The following KLHL20 variants were observed in gnomAD, a reference collection of about 807,000 sequenced individuals.
KLHL20 encodes the protein kelch like family member 20, also known as kelch-like protein 20.
Under a neutral mutation model 69.5 loss-of-function variants are expected in KLHL20, and 29 were observed. The ratio of observed to expected loss-of-function variants is 0.42; its 90% confidence interval spans 0.31 to 0.57. KLHL20 has a LOEUF of 0.57. Ranked by LOEUF, KLHL20 falls within the 20% of genes least tolerant of loss-of-function variation. KLHL20 has a pLI of 0.18. For synonymous variants in KLHL20, 253 were observed against 265.2 expected, an observed-to-expected ratio of 0.95 and a Z score of 0.45; for missense variants, 419 against 776.0, an observed-to-expected ratio of 0.54 and a Z score of 5.47.
intron 2 of KLHL20, among the ~76,000 whole-genome samples, chr1:173,731,222 T>A (rs987963387): frequency 1.3e-5 from 2 of 152,166 alleles, no homozygotes; most frequent in African/African-American, 4.8e-5. Flanking sequence ...AAACAACAGG[T>A]GCTGGAGAGG....
intron 1 of KLHL20, 71 bp from the exon 2 acceptor site, chr1:173,715,932 A>C (rs900134655): frequency 1.8e-6 from 2 of 1,097,018 alleles, no homozygotes; most frequent in East Asian, 4.7e-5. Flanking sequence ...GAGTGAAATG[A>C]TTATATAAAG....
chr1:173,753,683 A>T (rs532531902), intron 5 of KLHL20, among the ~76,000 whole-genome samples: 1 of 152,002 alleles, frequency 6.6e-6, no homozygotes, highest in Admixed American at 6.6e-5. Context: ...CTTCCATCAC[A>T]TATGTCTGGT....
chr1:173,723,891 C>T (rs563823193), intron 2 of KLHL20, among the ~76,000 whole-genome samples: 1 of 152,306 alleles, frequency 6.6e-6, no homozygotes, highest in South Asian at 2.1e-4. Context: ...TACTTTACAA[C>T]AACAACCTTT....
intron 9 of KLHL20, among the ~76,000 whole-genome samples, chr1:173,775,229 C>T (rs1241331479): frequency 6.6e-6 from 1 of 152,186 alleles, no homozygotes; most frequent in African/African-American, 2.4e-5. Context: ...TTAAAATGCA[C>T]TGTGCTATAG....
intron 4 of KLHL20, among the ~76,000 whole-genome samples, chr1:173,752,664 A>G (rs750649739): frequency 2.6e-5 from 4 of 152,208 alleles, no homozygotes; most frequent in Non-Finnish European, 5.9e-5. Context: ...GTCTTTAGCA[A>G]TTCAACAAGA....
chr1:173,753,128 A>G (rs187032473), intron 4 of KLHL20, 85 bp from the exon 5 acceptor site: 2 of 1,081,316 alleles, frequency 1.8e-6, no homozygotes, highest in East Asian at 2.6e-5. Context: ...ACCTACGATC[A>G]TGCCACTGTA....
intron 8 of KLHL20, among the ~76,000 whole-genome samples, chr1:173,767,889 G>A (rs1647833421): frequency 6.6e-6 from 1 of 151,976 alleles, no homozygotes. Context: ...CTTTTTGTTT[G>A]ATGTAATCTT....
At chr1:173,747,743 T>G (rs1673130061) in intron 3 of KLHL20, among the ~76,000 whole-genome samples, 1 of 152,044 alleles carries the variant, frequency 6.6e-6, no homozygotes, top group Admixed American at 6.6e-5. Flanking sequence ...TGTGGAATCT[T>G]CTTTGCTTTT....
At chr1:173,728,940 C>G (rs946938497) in intron 2 of KLHL20, among the ~76,000 whole-genome samples, 6 of 152,126 alleles carry the variant, frequency 3.9e-5, no homozygotes, top group African/African-American at 1.4e-4. Context: ...AATCCAGGAG[C>G]TGGTTTTTTG....
At chr1:173,718,643 G>A (rs1008461179) in intron 2 of KLHL20, among the ~76,000 whole-genome samples, 1 of 151,960 alleles carries the variant, frequency 6.6e-6, no homozygotes, top group Non-Finnish European at 1.5e-5. Flanking sequence ...CAGGAGGATT[G>A]CTTGAGCCCA....
At chr1:173,719,029 T>C (rs1036198670) in intron 2 of KLHL20, among the ~76,000 whole-genome samples, 11 of 142,820 alleles carry the variant, frequency 7.7e-5, no homozygotes, top group African/African-American at 3.0e-4. Flanking sequence ...GGCGTGAACC[T>C]GGGAGGCGGA....
Position 173,775,803 on chromosome 1 carries a change from G to A in KLHL20, c.1599G>A (p.Gln533=), listed in dbSNP as rs758080447. ...AGAGATACAACCCCAGAACCAACCA[G>A]TGGTCTCCAGTGGTGGCCATGACAT... ...SAERYNPRTN[Q]WSPVVAMTSR... Residue 533 remains glutamine (Q), a synonymous_variant, in exon 10 of 12, where the codon CAG becomes CAA. Coordinates refer to ENST00000209884, the MANE Select transcript of KLHL20 (RefSeq NM_014458.4). 3 of 1,614,066 alleles carry A rather than the reference G, an allele frequency of 1.9e-6. No homozygotes were observed. The African/African-American group carries it at 4.0e-5, about 22-fold the overall frequency.
At chr1:173,722,298 G>T (rs1465988761) in intron 2 of KLHL20, among the ~76,000 whole-genome samples, 3 of 152,018 alleles carry the variant, frequency 2.0e-5, no homozygotes, top group Non-Finnish European at 4.4e-5. Flanking sequence ...AAAGATGAAT[G>T]ATATTTCCTG....
rs1021147186 is a variant in KLHL20, at chr1:173,741,491, T to G, written c.597+7205T>G. Among the ~76,000 whole-genome samples, 17 of 152,238 alleles carry G rather than the reference T, an allele frequency of 1.1e-4. 1 individual carries two copies. Among genetic ancestry groups the G allele is most frequent in the Admixed American group, 8.5e-4 (13 of 15,280 alleles). ...TTATAATCTTGAAGTGAAAAAGGTC[T>G]TTCTAATTGACTAACCCAGAAAAGA... On this transcript the variant is annotated intron_variant, in intron 3 of 11. Coordinates refer to ENST00000209884, the MANE Select transcript of KLHL20 (RefSeq NM_014458.4).
intron 8 of KLHL20, among the ~76,000 whole-genome samples, chr1:173,769,738 T>G (rs1647960398): frequency 7.2e-6 from 1 of 139,090 alleles, no homozygotes. Flanking sequence ...CCATGATTGC[T>G]CCACTGCACT....
Position 173,742,685 on chromosome 1 carries a change from C to T in KLHL20, c.597+8399C>T, listed in dbSNP as rs1198116572. Among the ~76,000 whole-genome samples, 5 of 149,160 alleles carry T rather than the reference C, an allele frequency of 3.4e-5. 1 individual carries two copies. The highest frequency in any genetic ancestry group is 6.9e-3 in the Middle Eastern group (2 of 290). On this transcript the variant is annotated intron_variant, in intron 3 of 11. Transcript: ENST00000209884. ...CGTATGTGTATATATATGCATATAT[C>T]GTATGTATATGTGTACATATACATA...
chr1:173,754,581 T>A (rs1673454604), intron 5 of KLHL20, among the ~76,000 whole-genome samples: 1 of 126,316 alleles, frequency 7.9e-6, no homozygotes, highest in African/African-American at 3.4e-5. Flanking sequence ...TGAAACTCAG[T>A]CTCAAAAAAA....
At chr1:173,748,588 A>C (rs1182546137) in intron 3 of KLHL20, among the ~76,000 whole-genome samples, 1 of 152,108 alleles carries the variant, frequency 6.6e-6, no homozygotes, top group Non-Finnish European at 1.5e-5. Flanking sequence ...TACCAAATCC[A>C]CTTTCCAAAA....
chr1:173,777,166 A>G (rs1284063048), intron 10 of KLHL20, among the ~76,000 whole-genome samples: 1 of 151,896 alleles, frequency 6.6e-6, no homozygotes, highest in Non-Finnish European at 1.5e-5. Context: ...TATTTTATTT[A>G]TAGCTGTTGT....
Sources: allele counts gnomAD v4.1 joint callset (sites outside exome capture counted in the v4.1 genomes callset), GRCh38; gene constraint gnomAD v4.1.1; transcripts MANE v1.5; gene names NCBI Gene and HGNC (gene_info 2026-07-23, HGNC 2026-07-21).